PLA1A: variants seen among roughly 807,000 people sequenced by gnomAD.
The protein encoded by PLA1A is phosphatidylserine-specific phospholipase A1alpha.
A neutral mutation model predicts 49.4 loss-of-function variants in PLA1A; 47 were observed. The ratio of observed to expected loss-of-function variants is 0.95; its 90% CI spans 0.75 to 1.21. The LOEUF is 1.21. PLA1A is among the 50% of genes most tolerant of loss of function. The probability of loss-of-function intolerance (pLI) is 0.00; values close to 1 mark genes in which losing one functional copy is unlikely to be tolerated. For missense variants in PLA1A, 561 were observed against 563.9 expected (o/e 0.99, Z 0.05); for synonymous variants, 224 against 207.9 (o/e 1.08, Z -0.67).
Position 119,609,587 on chromosome 3 carries a change from T to G in PLA1A, c.562+11T>G. ...TGGGACAGATCACAGGTAACATTCCTCCCTGCCCATCCTCCAGGCTTTAGA... is the reference window on the plus strand; with the variant it reads ...TGGGACAGATCACAGGTAACATTCCGCCCTGCCCATCCTCCAGGCTTTAGA... On this transcript the variant is annotated intron_variant, in intron 4 of 10. Coordinates refer to ENST00000273371, the MANE Select transcript of PLA1A (RefSeq NM_015900.4). 7.3e-7 allele frequency: 1 copy of G among 1,375,064 alleles called. No homozygotes were observed. The highest frequency in any genetic ancestry group is 1.0e-6 in the Non-Finnish European group (1 of 968,722). 85.2% of individuals were successfully genotyped at this position (1,375,064 alleles called of 1,614,324 possible). A position where few individuals can be genotyped will look rare whatever the true frequency, so the allele number is the denominator to read the frequency against.
At chr3:119,602,533 G>C (rs559706913) in intron 1 of PLA1A, among the ~76,000 whole-genome samples, 58 of 151,798 alleles carry the variant, frequency 3.8e-4, no homozygotes, top group African/African-American at 1.3e-3. Flanking sequence ...ACTTCCCTTT[G>C]TTCTGTTACT....
At chr3:119,604,333 A>C (rs2082656005) in intron 1 of PLA1A, among the ~76,000 whole-genome samples, 1 of 152,230 alleles carries the variant, frequency 6.6e-6, no homozygotes, top group Non-Finnish European at 1.5e-5. Context: ...TGTTCACAAT[A>C]GCCAAGATAT....
chr3:119,597,924 G>T lies in PLA1A; in HGVS notation c.11G>T (p.Gly4Val), dbSNP rs371927892. MPP[G>V]PWESCFWVGG... ...ATTTCCAGCTCAGCGATGCCCCCAG[G>T]TCCCTGGGAGAGCTGCTTCTGGGTG... Residue 4 changes from glycine (G) to valine (V), a missense_variant, in exon 1 of 11, where the codon GGT becomes GTT. Transcript: ENST00000273371. 2.5e-6 allele frequency: 4 copies of T among 1,609,466 alleles called. No individual in the cohort carries two copies. The African/African-American group carries it at 4.0e-5, about 16-fold the overall frequency.
chr3:119,623,247 TCCTCCCA>T (rs2082970046), intron 8 of PLA1A, among the ~76,000 whole-genome samples: 2 of 152,084 alleles, frequency 1.3e-5, no homozygotes, highest in Non-Finnish European at 2.9e-5. Context: ...GCTCAGGTGA[TCCTCCCA>T]CCTCAGCCTC....
rs778778801 is a variant in PLA1A at position 119,608,913 on chromosome 3, G to T, written c.419G>T (p.Ser140Ile). 8.7e-6 allele frequency: 14 copies of T among 1,613,998 alleles called. No homozygotes were observed. Among genetic ancestry groups the T allele is most frequent in the Non-Finnish European group, 1.0e-5 (12 of 1,179,986 alleles). ...GCTGTGAAAAATGTGATTAAGTTGA[G>T]CCTCGAGATCTCCCTTTTCCTCAAT... ...FSAVKNVIKL[S>I]LEISLFLNKL... Residue 140 changes from serine (S) to isoleucine (I), a missense_variant, in exon 3 of 11, where the codon AGC becomes ATC. Transcript: ENST00000273371.
intron 2 of PLA1A, 105 bp downstream of exon 2, chr3:119,607,080 G>A: frequency 1.1e-6 from 1 of 879,400 alleles, no homozygotes; most frequent in Non-Finnish European, 1.9e-6. Context: ...ATTTACCAAT[G>A]GCCACATGTT....
chr3:119,614,263 C>T (rs541186896), intron 5 of PLA1A, among the ~76,000 whole-genome samples: 1 of 152,316 alleles, frequency 6.6e-6, no homozygotes, highest in South Asian at 2.1e-4. Flanking sequence ...CCAAAGCCCA[C>T]AGGCCTCTTC....
rs7629342 is a variant in PLA1A at position 119,613,964 on chromosome 3, G to A, written c.664+846G>A. ...GGAAAGACTCCCCATCTCTCAACCC[G>A]TTATGACCAAATTAAGTCCTTCTGA... On this transcript the variant is annotated intron_variant, in intron 5 of 10. Transcript: ENST00000273371. Among the ~76,000 whole-genome samples, 20 of 152,054 alleles carry A rather than the reference G, an allele frequency of 1.3e-4. No individual in the cohort carries two copies. In the East Asian group the frequency reaches 2.1e-3, roughly 16 times the overall value.
Position 119,629,440 on chromosome 3 carries a change from C to T in PLA1A, c.1343C>T (p.Ser448Phe), listed in dbSNP as rs1294989376. Residue 448 changes from serine (S) to phenylalanine (F), a missense_variant, in exon 11 of 11, where the codon TCC becomes TTC. Coordinates refer to ENST00000273371, the MANE Select transcript of PLA1A (RefSeq NM_015900.4). ...AACTTACAAGCAAGTGTGACTGTTT[C>T]CTGTGACCTGAAGATAGCCTGTGTG... is the stretch of plus-strand genomic sequence containing the variant. ...PVNLQASVTVSCDLKIACV is the reference protein window; with the variant it reads ...PVNLQASVTVFCDLKIACV 2 of 1,609,374 alleles carry T rather than the reference C, an allele frequency of 1.2e-6. No individual in the cohort carries two copies. The highest frequency in any genetic ancestry group is 8.5e-7 in the Non-Finnish European group (1 of 1,176,052).
chr3:119,598,334 T>G (rs544951859), intron 1 of PLA1A, among the ~76,000 whole-genome samples: 7 of 152,312 alleles, frequency 4.6e-5, no homozygotes, highest in African/African-American at 1.7e-4. Context: ...TTCCAAGATA[T>G]ATTTAATTTT....
rs2082692496 is a variant in PLA1A at position 119,606,664 on chromosome 3, C to A, written c.74-110C>A. The A allele has an allele frequency of 4.2e-6, 3 of 713,742 alleles. No individual in the cohort carries two copies. In the African/African-American group the frequency reaches 5.9e-5, roughly 14 times the overall value. The allele number at this position is 713,742 out of a possible 1,614,324, so 44.2% of individuals were successfully genotyped here. A position where few individuals can be genotyped will look rare whatever the true frequency, so the allele number is the denominator to read the frequency against. On this transcript the variant is annotated intron_variant, in intron 1 of 10. Coordinates refer to ENST00000273371, the MANE Select transcript of PLA1A (RefSeq NM_015900.4). Reference sequence around the variant, plus strand: ...TGCACTAGCTGATGTATAATAAACCCCATGCCTGCAGGCCCCTGTTTCTTG... The same window carrying A: ...TGCACTAGCTGATGTATAATAAACCACATGCCTGCAGGCCCCTGTTTCTTG...
chr3:119,612,966 G>A (rs775911548), intron 4 of PLA1A, 51 bp from the exon 5 acceptor site: 2 of 1,214,804 alleles, frequency 1.6e-6, no homozygotes, highest in Non-Finnish European at 2.3e-6. Context: ...GTCCATGAAT[G>A]TTCCTGCAGC....
Position 119,616,112 on chromosome 3 carries a change from C to T in PLA1A, c.754+11C>T. 6.3e-7 allele frequency: 1 copy of T among 1,585,738 alleles called. No individual in the cohort carries two copies. The highest frequency in any genetic ancestry group is 1.1e-5 in the South Asian group (1 of 90,242). On this transcript the variant is annotated intron_variant, in intron 6 of 10. Coordinates refer to ENST00000273371, the MANE Select transcript of PLA1A (RefSeq NM_015900.4). ...CCTTCTTTTACGCAGGTCAGAAAGC[C>T]AGTACAATCTGGTATTTGGCAACCC...
chr3:119,612,328 A>T (rs926743303), intron 4 of PLA1A, among the ~76,000 whole-genome samples: 14 of 152,326 alleles, frequency 9.2e-5, no homozygotes, highest in Admixed American at 5.9e-4. Context: ...TATTCACAGT[A>T]ATCACTGTGT....
intron 8 of PLA1A, among the ~76,000 whole-genome samples, chr3:119,623,911 G>T (rs1179131841): frequency 6.6e-6 from 1 of 151,758 alleles, no homozygotes; most frequent in Non-Finnish European, 1.5e-5. Flanking sequence ...TTTTAGTAGA[G>T]ACAGGGTTTC....
intron 1 of PLA1A, among the ~76,000 whole-genome samples, chr3:119,602,343 T>C: frequency 6.6e-6 from 1 of 152,204 alleles, no homozygotes; most frequent in East Asian, 1.9e-4. Context: ...TACATTTGAT[T>C]TTCTGTTTTT....
chr3:119,607,250 C>A (rs990283688), intron 2 of PLA1A, among the ~76,000 whole-genome samples: 14 of 152,180 alleles, frequency 9.2e-5, no homozygotes, highest in Non-Finnish European at 2.1e-4. Context: ...TACACAGAAC[C>A]TTTATTACCC....
chr3:119,623,716 TC>T (rs2082976776), intron 8 of PLA1A, among the ~76,000 whole-genome samples: 2 of 96,218 alleles, frequency 2.1e-5, no homozygotes, highest in Admixed American at 1.0e-4. Context: ...ATTCTCTCTT[TC>T]TTTTTTTTTT....
At chr3:119,622,087 AAAG>A (rs150974548) in intron 8 of PLA1A, among the ~76,000 whole-genome samples, 43,155 of 114,124 alleles carry the variant, frequency 0.38, 6,957 homozygotes, top group East Asian at 0.57. Context: ...GTTTCTGAAG[AAAG>A]AAGAAGAAGA....
Sources: gnomAD v4.1 joint callset for allele counts (sites outside exome capture counted in the v4.1 genomes callset) on GRCh38, gnomAD v4.1.1 for gene constraint, MANE v1.5 for transcripts, NCBI Gene and HGNC (gene_info 2026-07-23, HGNC 2026-07-21) for gene names.